The following SORCS3 variants were observed in gnomAD, a reference collection of about 807,000 sequenced individuals.
SORCS3 encodes the protein sortilin related VPS10 domain containing receptor 3, also known as VPS10 domain-containing receptor SorCS3.
SORCS3 carries 57 observed loss-of-function variants against 146.3 expected under a neutral mutation model. The ratio of observed to expected loss-of-function variants is 0.39; its 90% CI spans 0.31 to 0.49. The LOEUF (loss-of-function observed/expected upper bound fraction) is 0.49. Among genes scored for constraint, SORCS3 ranks in the 20% least tolerant of loss-of-function variants. The pLI, the probability that SORCS3 is intolerant of heterozygous loss-of-function variation, is 0.92. For synonymous variants in SORCS3, 653 were observed against 618.5 expected (o/e 1.06, Z -0.83); for missense variants, 1,341 against 1,575.5 (o/e 0.85, Z 2.52).
chr10:105,037,567 C>T (rs964840974), intron 4 of SORCS3, among the ~76,000 whole-genome samples: 5 of 152,112 alleles, frequency 3.3e-5, no homozygotes, highest in Admixed American at 6.6e-5. Flanking sequence ...TCTAATCCTC[C>T]ATCTTCTCAT....
At chr10:105,167,851 T>A (rs2056326873) in intron 13 of SORCS3, among the ~76,000 whole-genome samples, 1 of 152,118 alleles carries the variant, frequency 6.6e-6, no homozygotes, top group African/African-American at 2.4e-5. Flanking sequence ...GTTAAAGCTA[T>A]GGTAGTGGGC....
At chr10:104,735,451 C>G (rs1051202040) in intron 1 of SORCS3, among the ~76,000 whole-genome samples, 21 of 21,578 alleles carry the variant, frequency 9.7e-4, no homozygotes, top group African/African-American at 4.9e-3. Flanking sequence ...GAGCTCTCAC[C>G]GTCTGTTTTT....
chr10:104,906,502 C>T (rs1232213452), intron 2 of SORCS3, among the ~76,000 whole-genome samples: 1 of 152,088 alleles, frequency 6.6e-6, no homozygotes, highest in Non-Finnish European at 1.5e-5. Context: ...TGGTGTTGCC[C>T]AACAACAGAC....
intron 16 of SORCS3, among the ~76,000 whole-genome samples, chr10:105,207,481 T>C (rs1357377452): frequency 1.3e-5 from 2 of 152,100 alleles, no homozygotes; most frequent in African/African-American, 4.8e-5. Context: ...GTTTGCAGAA[T>C]CCGCAGCAGT....
intron 14 of SORCS3, among the ~76,000 whole-genome samples, chr10:105,179,961 CTCTT>C (rs1350476315): frequency 6.6e-6 from 1 of 152,214 alleles, no homozygotes; most frequent in African/African-American, 2.4e-5. Context: ...CCCTGATTCT[CTCTT>C]TAGCTCTGTG....
intron 4 of SORCS3, among the ~76,000 whole-genome samples, chr10:105,032,398 A>G (rs541785648): frequency 3.7e-4 from 57 of 152,344 alleles, no homozygotes; most frequent in African/African-American, 1.3e-3. Flanking sequence ...TACAACATAC[A>G]TAGAAATGCC....
chr10:104,957,279 A>G (rs1258540639), intron 3 of SORCS3, among the ~76,000 whole-genome samples: 1 of 152,098 alleles, frequency 6.6e-6, no homozygotes, highest in Non-Finnish European at 1.5e-5. Context: ...ACACTTGACA[A>G]CTCTCTGGTG....
intron 1 of SORCS3, among the ~76,000 whole-genome samples, chr10:104,837,160 G>A (rs961693745): frequency 5.9e-5 from 9 of 152,122 alleles, no homozygotes; most frequent in Admixed American, 2.0e-4. Flanking sequence ...CGTTGTGCTT[G>A]GTGGTGGGAA....
chr10:104,948,702 T>C (rs763955079), intron 3 of SORCS3, among the ~76,000 whole-genome samples: 10 of 152,188 alleles, frequency 6.6e-5, no homozygotes, highest in Non-Finnish European at 1.2e-4. Flanking sequence ...AAGAGGAAGA[T>C]TACTGCGGAT....
intron 2 of SORCS3, among the ~76,000 whole-genome samples, chr10:104,847,973 C>T (rs901288633): frequency 7.9e-5 from 12 of 151,986 alleles, no homozygotes; most frequent in African/African-American, 2.7e-4. Flanking sequence ...GTGGGAGGCT[C>T]CTCTTCTGCT....
intron 4 of SORCS3, among the ~76,000 whole-genome samples, chr10:105,005,263 A>G (rs922439662): frequency 6.6e-6 from 1 of 152,244 alleles, no homozygotes; most frequent in African/African-American, 2.4e-5. Flanking sequence ...TTTTGCATTC[A>G]GGTAGCCAAC....
chr10:104,940,253 T>A (rs1245134039), intron 3 of SORCS3, among the ~76,000 whole-genome samples: 55 of 118,874 alleles, frequency 4.6e-4, no homozygotes, highest in East Asian at 1.5e-3. Context: ...TTTTTTTTTT[T>A]TTATTATACT....
rs544929508 is a variant in SORCS3 at position 104,881,154 on chromosome 10, C to T, written c.696-34679C>T. 1.0e-3 allele frequency among the ~76,000 whole-genome samples: 153 copies of T among 152,326 alleles called. 1 individual carries two copies. Among genetic ancestry groups the T allele is most frequent in the African/African-American group, 3.3e-3 (139 of 41,572 alleles). On this transcript the variant is annotated intron_variant, in intron 2 of 26. Transcript: ENST00000369701. ...ATTTAAAAGGACAGATGCTAGCATA[C>T]TGGTTCCACTGATCATTACAAACAC...
intron 2 of SORCS3, among the ~76,000 whole-genome samples, chr10:104,881,185 G>A (rs1321874744): frequency 1.1e-4 from 17 of 152,284 alleles, no homozygotes; most frequent in African/African-American, 2.4e-5. Context: ...AACACACAGA[G>A]GTTTAGCAGC....
At chr10:105,003,736 G>C (rs1002805891) in intron 4 of SORCS3, among the ~76,000 whole-genome samples, 2 of 152,058 alleles carry the variant, frequency 1.3e-5, no homozygotes, top group Non-Finnish European at 2.9e-5. Context: ...CTTTTCATCT[G>C]GACCTCGCTT....
At chr10:105,070,270 A>G (rs2133725348) in intron 5 of SORCS3, among the ~76,000 whole-genome samples, 1 of 152,338 alleles carries the variant, frequency 6.6e-6, no homozygotes, top group East Asian at 1.9e-4. Context: ...TAGTTGAGGA[A>G]ACTAAGGTTG....
intron 2 of SORCS3, among the ~76,000 whole-genome samples, chr10:104,915,324 G>T (rs2019013977): frequency 6.6e-6 from 1 of 152,104 alleles, no homozygotes; most frequent in East Asian, 1.9e-4. Flanking sequence ...GACCCCATAA[G>T]TTTTCTGGGC....
chr10:104,762,988 C>T (rs1240307560), intron 1 of SORCS3, among the ~76,000 whole-genome samples: 1 of 152,130 alleles, frequency 6.6e-6, no homozygotes, highest in Non-Finnish European at 1.5e-5. Context: ...GGGACCCAGG[C>T]GTAAGTATTT....
intron 1 of SORCS3, among the ~76,000 whole-genome samples, chr10:104,804,315 C>T (rs1264353001): frequency 2.0e-5 from 3 of 152,220 alleles, no homozygotes; most frequent in Non-Finnish European, 4.4e-5. Flanking sequence ...TCCAGCCTTA[C>T]ATTTCATGTT....
Sources: allele counts gnomAD v4.1 joint callset (sites outside exome capture counted in the v4.1 genomes callset), GRCh38; gene constraint gnomAD v4.1.1; transcripts MANE v1.5; gene names NCBI Gene and HGNC (gene_info 2026-07-23, HGNC 2026-07-21).